DACH1: variants seen among roughly 807,000 people sequenced by gnomAD.
DACH1 encodes dachshund family transcription factor 1.
In DACH1, 12 loss-of-function variants were observed where a neutral mutation model predicts 54.2. The observed-to-expected ratio is 0.22, with a 90% CI of 0.14 to 0.36. DACH1 has a LOEUF of 0.36. DACH1 is among the 10% of genes least tolerant of loss of function. The pLI is 1.00. For missense variants in DACH1, 805 were observed against 929.8 expected, an observed-to-expected ratio of 0.87 and a Z score of 1.75; for synonymous variants, 386 against 366.2, an observed-to-expected ratio of 1.05 and a Z score of -0.62.
At chr13:71,781,073 T>G (rs187850162) in intron 1 of DACH1, among the ~76,000 whole-genome samples, 1 of 152,258 alleles carries the variant, frequency 6.6e-6, no homozygotes, top group Admixed American at 6.5e-5. Context: ...AGGTTGAGGC[T>G]GCAGTGAGCT....
chr13:71,761,199 T>C (rs1885387174), intron 1 of DACH1, among the ~76,000 whole-genome samples: 2 of 152,182 alleles, frequency 1.3e-5, no homozygotes, highest in South Asian at 4.1e-4. Context: ...TCCTAATCTT[T>C]AGTCTCTCAG....
At chr13:71,803,865 G>A (rs757478706) in intron 1 of DACH1, among the ~76,000 whole-genome samples, 2 of 152,074 alleles carry the variant, frequency 1.3e-5, no homozygotes, top group African/African-American at 2.4e-5. Context: ...CAAGCCTTAA[G>A]GCATTGGATC....
chr13:71,677,226 T>C (rs1566426147), intron 2 of DACH1, among the ~76,000 whole-genome samples: 1 of 152,214 alleles, frequency 6.6e-6, no homozygotes. Context: ...GGATGAATTA[T>C]TTCAAACTGG....
intron 1 of DACH1, among the ~76,000 whole-genome samples, chr13:71,837,017 TAC>T (rs1419513411): frequency 6.7e-6 from 1 of 150,262 alleles, no homozygotes; most frequent in Admixed American, 6.7e-5. Flanking sequence ...CACACACACA[TAC>T]ACACACACAA....
At chr13:71,593,220 T>C (rs1005681991) in intron 3 of DACH1, among the ~76,000 whole-genome samples, 2 of 152,156 alleles carry the variant, frequency 1.3e-5, no homozygotes, top group South Asian at 4.1e-4. Context: ...TCGAAGATGG[T>C]ATAAATGTTC....
At position 71,557,176 on chromosome 13, in the gene DACH1, A is replaced by T; in HGVS notation, c.1436-18T>A. On this transcript the variant is annotated intron_variant, in intron 5 of 10. Transcript: ENST00000613252. ...ATGGACCGCTATTATGGCCCAAAAG[A>T]AAACAAACAAAACAAAACACAAAAA... 1 of 1,587,186 alleles carries T rather than the reference A, an allele frequency of 6.3e-7. No individual in the cohort carries two copies. The highest frequency in any genetic ancestry group is 8.5e-7 in the Non-Finnish European group (1 of 1,170,406).
At chr13:71,647,508 T>C (rs954443495) in intron 2 of DACH1, among the ~76,000 whole-genome samples, 2 of 152,242 alleles carry the variant, frequency 1.3e-5, no homozygotes, top group African/African-American at 4.8e-5. Flanking sequence ...CTGATTATGC[T>C]ATATGTTTCT....
chr13:71,529,192 T>G (rs1882234039), intron 6 of DACH1, among the ~76,000 whole-genome samples: 1 of 147,238 alleles, frequency 6.8e-6, no homozygotes, highest in Admixed American at 6.7e-5. Context: ...GGTTTTTTTT[T>G]TTTTTTTTTT....
At position 71,495,647 on chromosome 13, in the gene DACH1, A is replaced by T. The variant is rs145106671; in HGVS notation, c.1571-6499T>A. On this transcript the variant is annotated intron_variant, in intron 6 of 10. Coordinates refer to ENST00000613252, the MANE Select transcript of DACH1 (RefSeq NM_080759.6). ...TAGATACTAATAATAAATTTTACAG[A>T]AAGAAAAAATTACAGATATTGATGA... Among the ~76,000 whole-genome samples, 201 of 152,228 alleles carry T rather than the reference A, an allele frequency of 1.3e-3. 2 individuals carry two copies. In the East Asian group the frequency reaches 0.031, roughly 24 times the overall value.
At chr13:71,628,609 A>C (rs1876838621) in intron 3 of DACH1, among the ~76,000 whole-genome samples, 3 of 152,080 alleles carry the variant, frequency 2.0e-5, no homozygotes, top group Admixed American at 1.3e-4. Context: ...ATATCCATCA[A>C]CTGCATACCT....
chr13:71,593,951 G>A (rs1873909213), intron 3 of DACH1, among the ~76,000 whole-genome samples: 2 of 151,372 alleles, frequency 1.3e-5, no homozygotes, highest in African/African-American at 4.8e-5. Context: ...AGTTGATTAT[G>A]ATAAGTATAG....
intron 1 of DACH1, among the ~76,000 whole-genome samples, chr13:71,714,828 AG>A (rs1882894787): frequency 6.6e-6 from 1 of 152,116 alleles, no homozygotes; most frequent in Non-Finnish European, 1.5e-5. Flanking sequence ...AAGGATGGAA[AG>A]AAGATCATGA....
intron 1 of DACH1, among the ~76,000 whole-genome samples, chr13:71,793,219 C>T (rs1886905417): frequency 6.6e-6 from 1 of 152,120 alleles, no homozygotes; most frequent in African/African-American, 2.4e-5. Flanking sequence ...GTCCAGAATT[C>T]TCAGTTATCT....
At chr13:71,749,783 C>T (rs569340910) in intron 1 of DACH1, among the ~76,000 whole-genome samples, 16 of 152,190 alleles carry the variant, frequency 1.1e-4, no homozygotes, top group Admixed American at 7.8e-4. Context: ...GTTCCGTAAC[C>T]GTCATCTCCA....
intron 1 of DACH1, among the ~76,000 whole-genome samples, chr13:71,730,433 A>T (rs531626067): frequency 6.6e-6 from 1 of 152,226 alleles, no homozygotes; most frequent in East Asian, 1.9e-4. Flanking sequence ...TTTCAATCAC[A>T]TGAAGGACAA....
chr13:71,555,532 C>G (rs527476042), intron 6 of DACH1, among the ~76,000 whole-genome samples: 1 of 151,636 alleles, frequency 6.6e-6, no homozygotes, highest in Non-Finnish European at 1.5e-5. Flanking sequence ...TTAGTAGAGA[C>G]GGAGTTTCAC....
Position 71,866,482 on chromosome 13 carries a change from G to A in DACH1, c.288C>T (p.Gly96=), listed in dbSNP as rs1218255893. 5.6e-6 allele frequency: 7 copies of A among 1,247,096 alleles called. No individual in the cohort carries two copies. Among genetic ancestry groups the A allele is most frequent in the South Asian group, 6.1e-5 (2 of 32,808 alleles). The allele number at this position is 1,247,096 out of a possible 1,614,324, so 77.3% of individuals were successfully genotyped here. ...TGCAGTTGCTGCCACCGCCGCCGCC[G>A]CCACCGCCGCCTCCGTTGCCGCTGC... ...GGSSGNGGGG[G]GGGGGSNCNP... The change falls in exon 1 of 11, where the codon GGC becomes GGT. Residue 96 remains glycine, a synonymous_variant. Transcript: ENST00000613252.
At chr13:71,815,867 C>G (rs1430120081) in intron 1 of DACH1, among the ~76,000 whole-genome samples, 1 of 151,942 alleles carries the variant, frequency 6.6e-6, no homozygotes, top group Non-Finnish European at 1.5e-5. Flanking sequence ...GGGCGGATCA[C>G]GAGGTCAGGA....
chr13:71,601,493 T>C (rs1874490756), intron 3 of DACH1, among the ~76,000 whole-genome samples: 1 of 152,056 alleles, frequency 6.6e-6, no homozygotes, highest in African/African-American at 2.4e-5. Flanking sequence ...ATTGTTCTAG[T>C]TAATATGAAT....
Sources: gnomAD v4.1 joint callset for allele counts (sites outside exome capture counted in the v4.1 genomes callset) on GRCh38, gnomAD v4.1.1 for gene constraint, MANE v1.5 for transcripts, NCBI Gene and HGNC (gene_info 2026-07-23, HGNC 2026-07-21) for gene names.